GRK3: variants seen among roughly 807,000 people sequenced by gnomAD.
The protein encoded by GRK3 is G protein-coupled receptor kinase 3.
Under a neutral mutation model 95.7 loss-of-function variants are expected in GRK3, and 54 were observed. The observed-to-expected ratio is 0.56, with a 90% CI of 0.45 to 0.71. GRK3 has a LOEUF of 0.71. Among genes scored for constraint, GRK3 ranks in the 30% least tolerant of loss-of-function variants. The pLI is 0.00. For missense variants in GRK3, 649 were observed against 851.2 expected (o/e 0.76, Z 2.96); for synonymous variants, 281 against 290.8 (o/e 0.97, Z 0.34).
chr22:25,667,345 C>T (rs1023739585), intron 5 of GRK3, among the ~76,000 whole-genome samples: 1 of 152,110 alleles, frequency 6.6e-6, no homozygotes, highest in Admixed American at 6.5e-5. Context: ...AACGTGAAAA[C>T]GCAGGGCTCC....
chr22:25,683,933 T>C (rs2085093872), intron 9 of GRK3, among the ~76,000 whole-genome samples: 1 of 152,240 alleles, frequency 6.6e-6, no homozygotes, highest in Admixed American at 6.5e-5. Context: ...AATCTTTACT[T>C]ACCCTAAGAT....
At chr22:25,683,422 G>A (rs2085089809) in intron 9 of GRK3, among the ~76,000 whole-genome samples, 1 of 152,364 alleles carries the variant, frequency 6.6e-6, no homozygotes, top group South Asian at 2.1e-4. Flanking sequence ...AAGCTTGCAA[G>A]TGACACTCAG....
chr22:25,664,801 G>A (rs1457775802), intron 5 of GRK3, among the ~76,000 whole-genome samples: 2 of 152,176 alleles, frequency 1.3e-5, no homozygotes, highest in African/African-American at 2.4e-5. Context: ...TTACAGGCAT[G>A]AGCCACCATG....
At chr22:25,609,665 G>A (rs1450266546) in intron 2 of GRK3, among the ~76,000 whole-genome samples, 1 of 151,862 alleles carries the variant, frequency 6.6e-6, no homozygotes, top group Non-Finnish European at 1.5e-5. Flanking sequence ...GTATGTAAAT[G>A]TCATTCTCAT....
intron 13 of GRK3, among the ~76,000 whole-genome samples, chr22:25,697,896 T>A (rs1002540622): frequency 1.3e-5 from 2 of 152,184 alleles, no homozygotes; most frequent in Non-Finnish European, 2.9e-5. Flanking sequence ...CCATTCCTTC[T>A]ATTGTTTGTT....
chr22:25,619,933 C>A (rs963916421), intron 2 of GRK3, among the ~76,000 whole-genome samples: 1 of 151,926 alleles, frequency 6.6e-6, no homozygotes, highest in Non-Finnish European at 1.5e-5. Context: ...GGTTCCCTCT[C>A]CCCCTTCTCT....
intron 2 of GRK3, among the ~76,000 whole-genome samples, chr22:25,639,698 A>G (rs1258368278): frequency 6.6e-6 from 1 of 152,144 alleles, no homozygotes; most frequent in Non-Finnish European, 1.5e-5. Context: ...CAGTTTCTTT[A>G]AAAAGGCCTG....
At chr22:25,654,973 C>T (rs1480313959) in intron 3 of GRK3, among the ~76,000 whole-genome samples, 1 of 152,142 alleles carries the variant, frequency 6.6e-6, no homozygotes, top group African/African-American at 2.4e-5. Context: ...AGATATCCTC[C>T]ACTCTTGGGG....
rs2085403454 is a variant in GRK3 at position 25,718,329 on chromosome 22, A to G, written c.1739A>G (p.Tyr580Cys). ...TTTCTGACTCAGTGGCAGCGTCGCT[A>G]TTTTTACCTCTTTCCAAATAGACTT... ...NPFLTQWQRR[Y>C]FYLFPNRLEW... Residue 580 changes from tyrosine to cysteine, a missense_variant, in exon 19 of 21, where the codon TAT becomes TGT. Tyr to Cys is a radical substitution (Grantham distance 194). Transcript: ENST00000324198. 1.9e-6 allele frequency: 3 copies of G among 1,613,978 alleles called. No homozygotes were observed. The highest frequency in any genetic ancestry group is 4.5e-5 in the East Asian group (2 of 44,874).
chr22:25,648,670 T>A, intron 3 of GRK3: 1 of 1,024,818 alleles, frequency 9.8e-7, no homozygotes, highest in South Asian at 1.3e-5. Flanking sequence ...AAAGGAAGCT[T>A]ATTCAATTTC....
intron 3 of GRK3, chr22:25,648,086 A>C: frequency 1.8e-6 from 1 of 548,082 alleles, no homozygotes; most frequent in Non-Finnish European, 3.3e-6. Flanking sequence ...ACTGCACTCC[A>C]GCCTCGGCGA....
Position 25,644,643 on chromosome 22 carries a change from C to A in GRK3, c.242C>A (p.Pro81His). The A allele has an allele frequency of 6.4e-7, 1 of 1,571,172 alleles. No homozygotes were observed. Among genetic ancestry groups the A allele is most frequent in the Non-Finnish European group, 8.7e-7 (1 of 1,146,878 alleles). Residue 81 changes from proline (P) to histidine (H), a missense_variant, in exon 3 of 21, where the codon CCT becomes CAT. Transcript: ENST00000324198. ...TTGAATGAAATTAATGAAGCTGTAC[C>A]TCAGGTGAAGTTTTATGAAGAGGTA... ...FCLNEINEAV[P>H]QVKFYEEIKE...
chr22:25,565,657 T>G (rs911563065), intron 1 of GRK3, among the ~76,000 whole-genome samples: 2 of 152,206 alleles, frequency 1.3e-5, no homozygotes. Flanking sequence ...ACTGCAGGCT[T>G]GTTGCTTATT....
chr22:25,682,353 C>A (rs1193672209), intron 9 of GRK3, among the ~76,000 whole-genome samples: 1 of 152,050 alleles, frequency 6.6e-6, no homozygotes, highest in Non-Finnish European at 1.5e-5. Flanking sequence ...TGGGACTTAT[C>A]CAAGTTAGAC....
At chr22:25,695,522 G>A (rs1252717890) in intron 13 of GRK3, among the ~76,000 whole-genome samples, 7 of 152,084 alleles carry the variant, frequency 4.6e-5, no homozygotes, top group African/African-American at 1.7e-4. Context: ...AATAAGTATT[G>A]TTTTGAAATG....
chr22:25,689,723 G>A (rs1006232107), intron 11 of GRK3, among the ~76,000 whole-genome samples: 3 of 152,146 alleles, frequency 2.0e-5, no homozygotes, highest in East Asian at 3.8e-4. Context: ...TGATTGCTTA[G>A]GTCAGTGTTG....
Position 25,673,355 on chromosome 22 carries a change from C to A in GRK3, c.555+1008C>A, listed in dbSNP as rs148260473. Among the ~76,000 whole-genome samples, 5 of 144,788 alleles carry A rather than the reference C, an allele frequency of 3.5e-5. 1 individual carries two copies. The East Asian group carries it at 9.7e-4, about 28-fold the overall frequency. 95.0% of individuals were successfully genotyped at this position (144,788 alleles called of 152,430 possible). ...GGGATTACAGGCGTGAGCCACCGCG[C>A]CCAGCAGGAGTTTTGTTTTTTTTAA... is the stretch of plus-strand genomic sequence containing the variant. On this transcript the variant is annotated intron_variant, in intron 7 of 20. Transcript: ENST00000324198.
intron 4 of GRK3, 63 bp downstream of exon 4, chr22:25,661,740 T>A: frequency 7.4e-6 from 8 of 1,077,948 alleles, no homozygotes; most frequent in Non-Finnish European, 9.5e-6. Context: ...GTTCAGCGTT[T>A]CCAGAATGAA....
At chr22:25,571,629 G>A (rs1193078614) in intron 1 of GRK3, among the ~76,000 whole-genome samples, 2 of 152,112 alleles carry the variant, frequency 1.3e-5, no homozygotes, top group South Asian at 2.1e-4. Flanking sequence ...GAATATTAAG[G>A]CAGTCTTGCA....
Sources: allele counts gnomAD v4.1 joint callset (sites outside exome capture counted in the v4.1 genomes callset), GRCh38; gene constraint gnomAD v4.1.1; transcripts MANE v1.5; gene names NCBI Gene and HGNC (gene_info 2026-07-23, HGNC 2026-07-21).